Variants in TOP1 observed in about 807,000 individuals in gnomAD.
TOP1 encodes the protein DNA topoisomerase 1.
In TOP1, 10 loss-of-function variants were observed where a neutral mutation model predicts 111.1. The ratio of observed to expected loss-of-function variants is 0.09; its 90% CI spans 0.06 to 0.15. TOP1 has a LOEUF of 0.15. TOP1 is among the 10% of genes least tolerant of loss of function. TOP1 has a pLI of 1.00. For synonymous variants in TOP1, 271 were observed against 302.9 expected (o/e 0.89, Z 1.10); for missense variants, 474 against 926.7 (o/e 0.51, Z 6.34).
rs193020546 is a variant in TOP1 at position 41,112,519 on chromosome 20, G to A, written c.1309-263G>A. Among the ~76,000 whole-genome samples the A allele has an allele frequency of 6.1e-4, 93 of 152,332 alleles. No homozygotes were observed. Among genetic ancestry groups the A allele is most frequent in the African/African-American group, 2.1e-3 (87 of 41,580 alleles). The stretch of plus-strand genomic sequence containing the variant: ...TTAAATGTGCCAAACTCTCTCTTCA[G>A]TACTATTCTTTTTTACGTTTGCTTA... On this transcript the variant is annotated intron_variant, in intron 13 of 20. Transcript: ENST00000361337. The surrounding 1 kb of genome is among the most constrained non-coding windows in gnomAD (Gnocchi z 5.8).
intron 2 of TOP1, among the ~76,000 whole-genome samples, chr20:41,040,073 A>G (rs534538695): frequency 6.6e-6 from 1 of 152,386 alleles, no homozygotes; most frequent in East Asian, 1.9e-4. Flanking sequence ...ATTTAAAATC[A>G]CCATCTTCAC....
rs562601237 is a variant in TOP1, at chr20:41,050,103, C to T, written c.59-11291C>T. Among the ~76,000 whole-genome samples the T allele has an allele frequency of 3.3e-5, 5 of 152,300 alleles. No homozygotes were observed. In the South Asian group the frequency reaches 8.3e-4, roughly 25 times the overall value. Reference sequence around the variant, plus strand: ...CACGATCTTGGCTCACTGCAACCTCCGCCTCCGGGTTCAAGTGATTCTCCT... The same window carrying T: ...CACGATCTTGGCTCACTGCAACCTCTGCCTCCGGGTTCAAGTGATTCTCCT... On this transcript the variant is annotated intron_variant, in intron 2 of 20. Transcript: ENST00000361337.
At position 41,114,067 on chromosome 20, in the gene TOP1, A is replaced by G. The variant is rs778811581; in HGVS notation, c.1550A>G (p.Glu517Gly). ...GTGGAGCACATCAATCTACACCCAG[A>G]GTTGGATGGTCAGGAATATGTGGTA... ...LRVEHINLHPELDGQEYVVEF... is the reference protein window; with the variant it reads ...LRVEHINLHPGLDGQEYVVEF... The change falls in exon 15 of 21, where the codon GAG (glutamate) becomes GGG (glycine). Residue 517 changes from glutamate to glycine, a missense_variant. Physicochemically the swap from Glu to Gly is moderately conservative, Grantham distance 98. Around this residue, in one of 14 missense-constraint regions of TOP1, gnomAD observed 18 missense variants for 16.4 expected, o/e 1.10. Coordinates refer to ENST00000361337, the MANE Select transcript of TOP1 (RefSeq NM_003286.4). This position sits in a 1 kb window ranked among gnomAD's most constrained non-coding sequence, Gnocchi z 4.5. 2 of 1,614,034 alleles carry G rather than the reference A, an allele frequency of 1.2e-6. No individual in the cohort carries two copies. Among genetic ancestry groups the G allele is most frequent in the Admixed American group, 3.3e-5 (2 of 60,006 alleles).
rs2034048211 is a variant in TOP1 at position 41,100,586 on chromosome 20, G to A, written c.1163+343G>A. On this transcript the variant is annotated intron_variant, in intron 12 of 20. Coordinates refer to ENST00000361337, the MANE Select transcript of TOP1 (RefSeq NM_003286.4). This position sits in a 1 kb window ranked among gnomAD's most constrained non-coding sequence, Gnocchi z 4.4. ...GTGGCTATAACTTTTGCAGTCTGAG[G>A]CACAACAGCAAAACTAGCACGACTT... 2.0e-5 allele frequency: 4 copies of A among 202,260 alleles called. No homozygotes were observed. The South Asian group carries it at 5.3e-4, about 27-fold the overall frequency. The allele number at this position is 202,260 out of a possible 1,614,324, so 12.5% of individuals were successfully genotyped here.
At chr20:41,031,680 G>C (rs1188329448) in intron 2 of TOP1, among the ~76,000 whole-genome samples, 1 of 152,198 alleles carries the variant, frequency 6.6e-6, no homozygotes, top group Non-Finnish European at 1.5e-5. Flanking sequence ...CTGTTTTGTA[G>C]ATGAGGAAAC....
At chr20:41,086,109 A>G (rs1268579168) in intron 8 of TOP1, among the ~76,000 whole-genome samples, 1 of 152,162 alleles carries the variant, frequency 6.6e-6, no homozygotes, top group Non-Finnish European at 1.5e-5. Flanking sequence ...CTAAAATTAC[A>G]AAAATTAGCC....
At chr20:41,103,246 A>T (rs755865675) in intron 13 of TOP1, among the ~76,000 whole-genome samples, 1 of 152,218 alleles carries the variant, frequency 6.6e-6, no homozygotes, top group Non-Finnish European at 1.5e-5. Flanking sequence ...TACTAATGCC[A>T]CCATTTATAG....
chr20:41,037,061 A>G (rs2033197604), intron 2 of TOP1, among the ~76,000 whole-genome samples: 1 of 151,870 alleles, frequency 6.6e-6, no homozygotes, highest in African/African-American at 2.4e-5. Flanking sequence ...CGATCTCCTG[A>G]CCTCGTGATC....
chr20:41,036,791 G>T (rs1021398832), intron 2 of TOP1, among the ~76,000 whole-genome samples: 3 of 151,606 alleles, frequency 2.0e-5, no homozygotes, highest in Non-Finnish European at 4.4e-5. Flanking sequence ...ATCTAGGTTT[G>T]GGCTGAGAAG....
At chr20:41,056,136 C>T (rs1454327437) in intron 2 of TOP1, among the ~76,000 whole-genome samples, 1 of 152,190 alleles carries the variant, frequency 6.6e-6, no homozygotes, top group Non-Finnish European at 1.5e-5. Flanking sequence ...TTCCAGGCAT[C>T]GCTTACATGG....
chr20:41,072,049 C>T (rs2033675055), intron 3 of TOP1, among the ~76,000 whole-genome samples: 1 of 152,186 alleles, frequency 6.6e-6, no homozygotes, highest in Non-Finnish European at 1.5e-5. Flanking sequence ...CTTTCTTCTA[C>T]TCTTAGAAGA....
rs1410850347 is a variant in TOP1 at position 41,114,379 on chromosome 20, A to G, written c.1638+224A>G. 1.3e-5 allele frequency among the ~76,000 whole-genome samples: 2 copies of G among 152,258 alleles called. No homozygotes were observed. The highest frequency in any genetic ancestry group is 2.9e-5 in the Non-Finnish European group (2 of 68,038). The stretch of plus-strand genomic sequence containing the variant: ...TAGTGTGCTGTGATCACACCTGTGA[A>G]TAGCCACTGTACTCCAGCCTGGGCA... On this transcript the variant is annotated intron_variant, in intron 15 of 20. Coordinates refer to ENST00000361337, the MANE Select transcript of TOP1 (RefSeq NM_003286.4). The surrounding 1 kb of genome is among the most constrained non-coding windows in gnomAD (Gnocchi z 4.5).
At chr20:41,113,889 A>G in intron 14 of TOP1, 81 bp from the exon 15 acceptor site, 1 of 1,211,424 alleles carries the variant, frequency 8.3e-7, no homozygotes, top group Middle Eastern at 2.1e-4. Context: ...CAAAAAAAAA[A>G]AAAAAAAAAA....
rs1437064878 is a variant in TOP1 at position 41,112,518 on chromosome 20, A to T, written c.1309-264A>T. 6.6e-6 allele frequency among the ~76,000 whole-genome samples: 1 copy of T among 152,204 alleles called. No homozygotes were observed. Among genetic ancestry groups the T allele is most frequent in the Non-Finnish European group, 1.5e-5 (1 of 68,030 alleles). On this transcript the variant is annotated intron_variant, in intron 13 of 20. Transcript: ENST00000361337. This position sits in a 1 kb window ranked among gnomAD's most constrained non-coding sequence, Gnocchi z 5.8. ...GTTAAATGTGCCAAACTCTCTCTTC[A>T]GTACTATTCTTTTTTACGTTTGCTT...
chr20:41,044,264 A>G (rs1252374451), intron 2 of TOP1, among the ~76,000 whole-genome samples: 1 of 152,180 alleles, frequency 6.6e-6, no homozygotes, highest in Non-Finnish European at 1.5e-5. Context: ...AACAAGAGCA[A>G]AACTCCTTCT....
chr20:41,044,444 T>C (rs2033308374), intron 2 of TOP1, among the ~76,000 whole-genome samples: 1 of 152,216 alleles, frequency 6.6e-6, no homozygotes, highest in African/African-American at 2.4e-5. Context: ...AAATAATTGC[T>C]CTATCTCAGT....
In TOP1 at chr20:41,092,453, T is replaced by C. The variant is rs769692366; in HGVS notation, c.615-19T>C. 3.8e-6 allele frequency: 5 copies of C among 1,306,248 alleles called. No homozygotes were observed. Among genetic ancestry groups the C allele is most frequent in the Non-Finnish European group, 5.4e-6 (5 of 932,140 alleles). 80.9% of individuals were successfully genotyped at this position (1,306,248 alleles called of 1,614,324 possible). A position where few individuals can be genotyped will look rare whatever the true frequency, so the allele number is the denominator to read the frequency against. ...AGACAAGGCGATCACTAAATGAGGC[T>C]GTGCTTTGTCTTTTAAAGGTGGGAA... On this transcript the variant is annotated intron_variant, in intron 8 of 20. Transcript: ENST00000361337. The surrounding 1 kb of genome is among the most constrained non-coding windows in gnomAD (Gnocchi z 4.3).
intron 2 of TOP1, among the ~76,000 whole-genome samples, chr20:41,056,724 C>T (rs1041291881): frequency 1.3e-5 from 2 of 152,134 alleles, no homozygotes; most frequent in African/African-American, 4.8e-5. Flanking sequence ...TCAAGTAAGC[C>T]TCCCACCTTG....
intron 3 of TOP1, chr20:41,073,002 C>T: frequency 1.0e-6 from 1 of 985,392 alleles, no homozygotes; most frequent in South Asian, 4.7e-5. Flanking sequence ...ACTACTCTAG[C>T]AGGAACTTTG....
Sources: gnomAD v4.1 joint callset for allele counts (sites outside exome capture counted in the v4.1 genomes callset) on GRCh38, gnomAD v4.1.1 for gene constraint, gnomAD v4.1.1 regional missense constraint, Gnocchi (gnomAD v3.1) non-coding constraint, MANE v1.5 for transcripts, NCBI Gene and HGNC (gene_info 2026-07-23, HGNC 2026-07-21) for gene names.